The following SCD5 variants were observed in gnomAD, a reference collection of about 807,000 sequenced individuals.
SCD5 encodes the protein acyl-CoA-desaturase 4.
SCD5 carries 20 observed loss-of-function variants against 30.4 expected under a neutral mutation model. That is an observed-to-expected ratio of 0.66 (90% CI 0.46 to 0.96). The LOEUF (loss-of-function observed/expected upper bound fraction) is 0.96, where lower values mean the gene tolerates loss of function less well. Among genes scored for constraint, SCD5 ranks in the 40% least tolerant of loss-of-function variants. The pLI is 0.00. For synonymous variants in SCD5, 173 were observed against 176.4 expected (o/e 0.98, Z 0.16); for missense variants, 381 against 443.3 (o/e 0.86, Z 1.26).
chr4:82,657,365 CCA>C (rs1727885839), intron 3 of SCD5, among the ~76,000 whole-genome samples: 1 of 152,100 alleles, frequency 6.6e-6, no homozygotes, highest in South Asian at 2.1e-4. Flanking sequence ...AATCCTTTTC[CCA>C]TTGCTTGTTT....
intron 2 of SCD5, among the ~76,000 whole-genome samples, chr4:82,695,027 GCCC>G (rs1719668674): frequency 7.8e-6 from 1 of 127,944 alleles, no homozygotes; most frequent in Admixed American, 7.4e-5. Flanking sequence ...CTGTTCTGCA[GCCC>G]TTGCAGCAGG....
chr4:82,712,297 T>TACACACATA (rs1560540874), intron 1 of SCD5, among the ~76,000 whole-genome samples: 1 of 33,764 alleles, frequency 3.0e-5, no homozygotes. Context: ...TATATATATA[T>TACACACATA]TTTATTTTTA....
chr4:82,668,414 C>A (rs1330417104), intron 3 of SCD5, among the ~76,000 whole-genome samples: 2 of 152,168 alleles, frequency 1.3e-5, no homozygotes, highest in Non-Finnish European at 2.9e-5. Flanking sequence ...CATTCCCAGA[C>A]CCAAACTGGG....
At position 82,631,437 on chromosome 4, in the gene SCD5, TG is replaced by T; in HGVS notation, c.882del (p.Thr295ProfsTer23). 1 of 1,614,094 alleles carries T rather than the reference TG, an allele frequency of 6.2e-7. No homozygotes were observed. The highest frequency in any genetic ancestry group is 8.5e-7 in the Non-Finnish European group (1 of 1,180,012). ...ASEFGLNFNP[T>X]TWFIDFMCWL... is the part of the protein sequence containing the mutation. ...CAGCACATGAAATCAATGAACCAGG[TG>T]GTTGGGTTAAAATTTAAGCCAAATT... On this transcript the variant is annotated frameshift_variant, in exon 5 of 5. Coordinates refer to ENST00000319540, the MANE Select transcript of SCD5 (RefSeq NM_001037582.3). LOFTEE classifies it high-confidence loss of function.
At chr4:82,657,640 T>C (rs796126717) in intron 3 of SCD5, among the ~76,000 whole-genome samples, 8 of 152,348 alleles carry the variant, frequency 5.3e-5, no homozygotes, top group African/African-American at 1.9e-4. Flanking sequence ...GTGAAGAAAG[T>C]CAATGGTAGC....
chr4:82,770,066 G>T (rs1469488683), intron 1 of SCD5, among the ~76,000 whole-genome samples: 3 of 151,928 alleles, frequency 2.0e-5, no homozygotes, highest in Non-Finnish European at 4.4e-5. Context: ...TTAAGTTCTA[G>T]GGTACGTGTG....
At chr4:82,743,213 C>T (rs1477351186) in intron 1 of SCD5, among the ~76,000 whole-genome samples, 1 of 151,968 alleles carries the variant, frequency 6.6e-6, no homozygotes, top group Non-Finnish European at 1.5e-5. Context: ...TAGTCTATTT[C>T]CTAAAAATTA....
intron 1 of SCD5, among the ~76,000 whole-genome samples, chr4:82,725,822 T>C (rs1720457101): frequency 6.6e-6 from 1 of 151,960 alleles, no homozygotes; most frequent in African/African-American, 2.4e-5. Flanking sequence ...ACCATGCCAC[T>C]GCACTGCAGC....
chr4:82,712,285 T>TAC (rs1488334932), intron 1 of SCD5, among the ~76,000 whole-genome samples: 26 of 45,046 alleles, frequency 5.8e-4, no homozygotes, highest in African/African-American at 1.6e-3. Flanking sequence ...TATATATATA[T>TAC]ATATATATAT....
chr4:82,679,259 AGAAGGAAG>A (rs757891543), intron 3 of SCD5, among the ~76,000 whole-genome samples: 2,095 of 109,138 alleles, frequency 0.019, 138 homozygotes, highest in South Asian at 0.063. Context: ...AAAGAAAGAA[AGAAGGAAG>A]GAAAGAAAGA....
chr4:82,642,013 A>G (rs1727556388), intron 3 of SCD5, among the ~76,000 whole-genome samples: 1 of 152,130 alleles, frequency 6.6e-6, no homozygotes, highest in African/African-American at 2.4e-5. Flanking sequence ...AGAGGATATC[A>G]ACATATAGGT....
At chr4:82,742,796 T>C (rs1180504158) in intron 1 of SCD5, among the ~76,000 whole-genome samples, 2 of 152,152 alleles carry the variant, frequency 1.3e-5, no homozygotes. Context: ...CATCTTTATA[T>C]GTCCAGACAA....
At position 82,636,663 on chromosome 4, in the gene SCD5, T is replaced by A; in HGVS notation, c.730A>T (p.Met244Leu). Residue 244 changes from methionine to leucine, a missense_variant, in exon 4 of 5, where the codon ATG becomes TTG. By Grantham distance (15) the Met-to-Leu change is conservative. Transcript: ENST00000319540. ...ISWLVNSAAH[M>L]YGNRPYDKHI... ...TTGTCATAGGGCCGGTTTCCATACATGTGGGCGGCGCTGTTGACCAGCCAG... is the reference window on the plus strand; with the variant it reads ...TTGTCATAGGGCCGGTTTCCATACAAGTGGGCGGCGCTGTTGACCAGCCAG... The A allele has an allele frequency of 6.2e-7, 1 of 1,614,164 alleles. No individual in the cohort carries two copies. The highest frequency in any genetic ancestry group is 8.5e-7 in the Non-Finnish European group (1 of 1,180,032).
chr4:82,778,373 T>C (rs1001521702), intron 1 of SCD5, among the ~76,000 whole-genome samples: 1 of 152,246 alleles, frequency 6.6e-6, no homozygotes, highest in African/African-American at 2.4e-5. Flanking sequence ...GCTACTGTAA[T>C]GAACTGTCAC....
chr4:82,678,413 A>G (rs4693484), intron 3 of SCD5, among the ~76,000 whole-genome samples: 19,745 of 152,150 alleles, frequency 0.13, 1,533 homozygotes, highest in East Asian at 0.39. Flanking sequence ...TTCCATTTTT[A>G]TGGTCAGAGA....
chr4:82,781,186 A>T (rs1200724036), intron 1 of SCD5, among the ~76,000 whole-genome samples: 2 of 152,134 alleles, frequency 1.3e-5, no homozygotes, highest in Non-Finnish European at 2.9e-5. Context: ...AGGCCGAGGC[A>T]GGCAGATTGC....
intron 3 of SCD5, among the ~76,000 whole-genome samples, chr4:82,669,430 A>C (rs575480307): frequency 1.3e-4 from 20 of 152,346 alleles, no homozygotes; most frequent in African/African-American, 4.6e-4. Context: ...AACAACTCTG[A>C]GATTAGTAAG....
At chr4:82,765,059 T>C (rs1221253853) in intron 1 of SCD5, among the ~76,000 whole-genome samples, 1 of 152,204 alleles carries the variant, frequency 6.6e-6, no homozygotes, top group Non-Finnish European at 1.5e-5. Flanking sequence ...ATTTATTTTA[T>C]ATTTATCTAC....
At chr4:82,708,847 A>C (rs1221669536) in intron 1 of SCD5, among the ~76,000 whole-genome samples, 1 of 152,192 alleles carries the variant, frequency 6.6e-6, no homozygotes, top group Admixed American at 6.5e-5. Context: ...AGAAGGAAGC[A>C]CTTGGCCGAG....
Sources: allele counts gnomAD v4.1 joint callset (sites outside exome capture counted in the v4.1 genomes callset), GRCh38; gene constraint gnomAD v4.1.1; transcripts MANE v1.5; gene names NCBI Gene and HGNC (gene_info 2026-07-23, HGNC 2026-07-21).